The following RIMBP2 variants were observed in gnomAD, a reference collection of about 807,000 sequenced individuals.
RIMBP2 encodes the protein RIMS binding protein 2.
In RIMBP2, 48 loss-of-function variants were observed where a neutral mutation model predicts 118.6. The observed-to-expected ratio is 0.40, with a 90% CI of 0.32 to 0.51. The LOEUF (loss-of-function observed/expected upper bound fraction) is 0.51, where lower values mean the gene tolerates loss of function less well. Among genes scored for constraint, RIMBP2 ranks in the 20% least tolerant of loss-of-function variants. The pLI is 0.41. For missense variants in RIMBP2, 1,551 were observed against 1,768.3 expected, an observed-to-expected ratio of 0.88 and a Z score of 2.20; for synonymous variants, 762 against 742.9, an observed-to-expected ratio of 1.03 and a Z score of -0.42.
intron 2 of RIMBP2, among the ~76,000 whole-genome samples, chr12:130,570,633 T>C (rs1268109923): frequency 6.6e-6 from 1 of 152,154 alleles, no homozygotes; most frequent in African/African-American, 2.4e-5. Flanking sequence ...TCGTCTAGAC[T>C]GCCTGCTCTC....
In RIMBP2 at chr12:130,420,582, T is replaced by G. The variant is rs1412209506; in HGVS notation, c.3238+1871A>C. Among the ~76,000 whole-genome samples, 1 of 152,188 alleles carries G rather than the reference T, an allele frequency of 6.6e-6. No homozygotes were observed. Among genetic ancestry groups the G allele is most frequent in the African/African-American group, 2.4e-5 (1 of 41,428 alleles). ...ATAAAACTTTAAAGCTTCTCACTGC[T>G]GATGAATGCAGTTTTAAAAAAAAAG... On this transcript the variant is annotated intron_variant, in intron 17 of 22. Coordinates refer to ENST00000690449, the MANE Select transcript of RIMBP2 (RefSeq NM_001393629.1). This position sits in a 1 kb window ranked among gnomAD's most constrained non-coding sequence, Gnocchi z 4.3.
intron 2 of RIMBP2, among the ~76,000 whole-genome samples, chr12:130,616,481 C>A (rs1027762584): frequency 6.6e-6 from 1 of 152,172 alleles, no homozygotes; most frequent in East Asian, 1.9e-4. Flanking sequence ...TGAGGGCTTG[C>A]TGATTTCTCC....
intron 4 of RIMBP2, among the ~76,000 whole-genome samples, chr12:130,501,986 C>T (rs772447775): frequency 3.9e-5 from 6 of 152,250 alleles, no homozygotes; most frequent in Non-Finnish European, 5.9e-5. Flanking sequence ...CTTTGGCCAA[C>T]GGAATTCGAG....
intron 2 of RIMBP2, among the ~76,000 whole-genome samples, chr12:130,574,436 TC>T (rs1338233860): frequency 1.3e-5 from 2 of 152,276 alleles, no homozygotes; most frequent in East Asian, 3.9e-4. Flanking sequence ...CTCATCTCAT[TC>T]TATTGCCAAT....
At chr12:130,568,988 A>G (rs1279687902) in intron 2 of RIMBP2, among the ~76,000 whole-genome samples, 1 of 152,070 alleles carries the variant, frequency 6.6e-6, no homozygotes, top group Non-Finnish European at 1.5e-5. Flanking sequence ...CAGGGCACCT[A>G]TCTGACATCT....
intron 2 of RIMBP2, among the ~76,000 whole-genome samples, chr12:130,589,122 C>T (rs2059102829): frequency 6.6e-6 from 1 of 152,210 alleles, no homozygotes; most frequent in African/African-American, 2.4e-5. Context: ...TGACTCTACC[C>T]TCATATCCCA....
rs573845515 is a variant in RIMBP2, at chr12:130,441,879, C to G, written c.1473G>C (p.Glu491Asp). The change falls in exon 11 of 23, where the codon GAG (glutamate) becomes GAC (aspartate). Residue 491 changes from glutamate to aspartate, a missense_variant. Coordinates refer to ENST00000690449, the MANE Select transcript of RIMBP2 (RefSeq NM_001393629.1). The part of the protein sequence containing the change: ...QLPLEQREKK[E>D]AFVEFSTLPA... ...GCAACGTGGAGAACTCCACAAAGGC[C>G]TCCTTCTTCTCCCTTTGCTCCAGCG... 2.5e-6 allele frequency: 4 copies of G among 1,613,824 alleles called. No homozygotes were observed. The South Asian group carries it at 3.3e-5, about 13-fold the overall frequency.
intron 12 of RIMBP2, 112 bp downstream of exon 12, chr12:130,438,253 G>C: frequency 2.4e-6 from 3 of 1,266,932 alleles, no homozygotes; most frequent in Non-Finnish European, 3.3e-6. Context: ...GGTGCCTCCA[G>C]TGATCAGGGC....
intron 1 of RIMBP2, among the ~76,000 whole-genome samples, chr12:130,708,791 C>T (rs990819488): frequency 1.3e-5 from 2 of 152,202 alleles, no homozygotes; most frequent in African/African-American, 4.8e-5. Flanking sequence ...TGGACACAGG[C>T]GTGTTTCAGA....
chr12:130,497,324 C>T (rs955237644), intron 4 of RIMBP2, among the ~76,000 whole-genome samples: 13 of 152,190 alleles, frequency 8.5e-5, no homozygotes, highest in Non-Finnish European at 1.9e-4. Flanking sequence ...CCCTGGGCTC[C>T]GTAATCACTG....
At chr12:130,483,846 C>T (rs913926982) in intron 4 of RIMBP2, among the ~76,000 whole-genome samples, 3 of 146,974 alleles carry the variant, frequency 2.0e-5, no homozygotes, top group South Asian at 2.2e-4. Context: ...CACCTACACA[C>T]GGTGCCCGGA....
chr12:130,666,395 G>T (rs561968276), intron 1 of RIMBP2, among the ~76,000 whole-genome samples: 9 of 152,076 alleles, frequency 5.9e-5, no homozygotes, highest in Non-Finnish European at 1.2e-4. Flanking sequence ...CAATACAACG[G>T]CACCAAGCAG....
chr12:130,630,696 G>A (rs1191405819), intron 1 of RIMBP2, among the ~76,000 whole-genome samples: 2 of 152,106 alleles, frequency 1.3e-5, no homozygotes, highest in African/African-American at 4.8e-5. Context: ...AGAAAGAAGA[G>A]GTGGAATTTT....
Position 130,620,851 on chromosome 12 carries a change from C to A in RIMBP2, c.-217+7471G>T, listed in dbSNP as rs573857329. Among the ~76,000 whole-genome samples the A allele has an allele frequency of 3.9e-5, 6 of 152,312 alleles. No individual in the cohort carries two copies. Among genetic ancestry groups the A allele is most frequent in the African/African-American group, 1.2e-4 (5 of 41,568 alleles). On this transcript the variant is annotated intron_variant, in intron 2 of 22. Transcript: ENST00000690449. The surrounding 1 kb of genome is among the most constrained non-coding windows in gnomAD (Gnocchi z 5.3). ...CCTCCAACATTCTTTTTGTAGGGAA[C>A]ACCCCTCACCCTGTAACAGACTCTG...
At chr12:130,705,256 G>A (rs1360223747) in intron 1 of RIMBP2, among the ~76,000 whole-genome samples, 3 of 152,190 alleles carry the variant, frequency 2.0e-5, no homozygotes, top group African/African-American at 7.2e-5. Context: ...GAGAACCAAT[G>A]AGATGTTAAT....
chr12:130,565,243 A>T (rs970234942), intron 2 of RIMBP2, among the ~76,000 whole-genome samples: 12 of 152,248 alleles, frequency 7.9e-5, no homozygotes, highest in African/African-American at 2.6e-4. Context: ...TAATTTTTTT[A>T]AAAAATGGAA....
rs1209372278 is a variant in RIMBP2 at position 130,434,840 on chromosome 12, C to T, written c.2147G>A (p.Gly716Glu). ...CTCCTCGTCTGAGGCGGCGTACTGC[C>T]CCGCGCTGCTTCTCTCTAGGAAGAC... ...RSVFLERSSA[G>E]QYAASDEEDA... Residue 716 changes from glycine (G) to glutamate (E), a missense_variant, in exon 14 of 23, where the codon GGG (glycine) becomes GAG (glutamate). By Grantham distance (98) the Gly-to-Glu change is moderately conservative. Transcript: ENST00000690449. The surrounding 1 kb of genome is among the most constrained non-coding windows in gnomAD (Gnocchi z 5.7). The T allele has an allele frequency of 6.2e-7, 1 of 1,613,236 alleles. No individual in the cohort carries two copies. Among genetic ancestry groups the T allele is most frequent in the Non-Finnish European group, 8.5e-7 (1 of 1,179,688 alleles).
rs2062860841 is a variant in RIMBP2 at position 130,646,015 on chromosome 12, T to G, written c.-351-17559A>C. 1.3e-5 allele frequency among the ~76,000 whole-genome samples: 2 copies of G among 152,040 alleles called. 1 individual carries two copies. Among genetic ancestry groups the G allele is most frequent in the Non-Finnish European group, 2.9e-5 (2 of 68,002 alleles). On this transcript the variant is annotated intron_variant, in intron 1 of 22. Transcript: ENST00000690449. ...AACACTTTGCGTTTCACCCAAGCAT[T>G]GAAATCTGTGGTGCGGCAGCCAGTT...
intron 6 of RIMBP2, among the ~76,000 whole-genome samples, chr12:130,459,914 C>T (rs2079826381): frequency 6.6e-6 from 1 of 152,242 alleles, no homozygotes; most frequent in Non-Finnish European, 1.5e-5. Flanking sequence ...AGGTCAGCCC[C>T]TTGCCCTGGC....
Sources: gnomAD v4.1 joint callset for allele counts (sites outside exome capture counted in the v4.1 genomes callset) on GRCh38, gnomAD v4.1.1 for gene constraint, Gnocchi (gnomAD v3.1) non-coding constraint, MANE v1.5 for transcripts, NCBI Gene and HGNC (gene_info 2026-07-23, HGNC 2026-07-21) for gene names.